Variants in FBXO34 observed in about 807,000 individuals in gnomAD.
FBXO34 encodes F-box only protein 34.
A neutral mutation model predicts 24.5 loss-of-function variants in FBXO34; 12 were observed. That is an observed-to-expected ratio of 0.49 (90% CI 0.31 to 0.79). FBXO34 has a LOEUF of 0.79. Ranked by LOEUF, FBXO34 falls within the 30% of genes least tolerant of loss-of-function variation. The pLI is 0.04. For synonymous variants in FBXO34, 320 were observed against 311.9 expected (o/e 1.03, Z -0.27); for missense variants, 823 against 857.7 (o/e 0.96, Z 0.51).
At chr14:55,361,106 C>G (rs1884588114) in intron 3 of FBXO34, among the ~76,000 whole-genome samples, 1 of 152,168 alleles carries the variant, frequency 6.6e-6, no homozygotes, top group Non-Finnish European at 1.5e-5. Flanking sequence ...TGACTTTGCC[C>G]AGATCCATCA....
chr14:55,299,335 A>G, intron 1 of FBXO34: 2 of 378,362 alleles, frequency 5.3e-6, no homozygotes, highest in Non-Finnish European at 1.0e-5. Context: ...CCAAAGCAGT[A>G]GGGCCGCATT....
the FBXO34 span, among the ~76,000 whole-genome samples, chr14:55,385,535 CGCCTGCCTCG>C: frequency 6.6e-6 from 1 of 152,176 alleles, no homozygotes; most frequent in African/African-American, 2.4e-5. Flanking sequence ...TCAGGTGATT[CGCCTGCCTCG>C]GCCTCCCAAA....
chr14:55,382,107 A>G, the FBXO34 span: 2 of 1,614,052 alleles, frequency 1.2e-6, no homozygotes, highest in East Asian at 4.5e-5. Flanking sequence ...CTGAGAGGTA[A>G]GTTGTCCTCC....
At chr14:55,409,406 C>A in the FBXO34 span, among the ~76,000 whole-genome samples, 2 of 152,154 alleles carry the variant, frequency 1.3e-5, no homozygotes, top group Non-Finnish European at 2.9e-5. Flanking sequence ...GAGTTTATAT[C>A]ACTGGGGTGG....
Position 55,331,560 on chromosome 14 carries a change from T to TACAC in FBXO34, c.-10-18811_-10-18808dup, listed in dbSNP as rs1555338486. Among the ~76,000 whole-genome samples the TACAC allele has an allele frequency of 9.1e-5, 13 of 142,692 alleles. No homozygotes were observed. The East Asian group carries it at 1.0e-3, about 11-fold the overall frequency. The allele number at this position is 142,692 out of a possible 152,430, so 93.6% of individuals were successfully genotyped here. On this transcript the variant is annotated intron_variant, in intron 1 of 1. Coordinates refer to ENST00000313833, the MANE Select transcript of FBXO34 (RefSeq NM_017943.4). Reference sequence around the variant, plus strand: ...TAAATTGAGGCGTGATATATATATATACACACACACACATACCAACATGGT... The same window carrying TACAC: ...TAAATTGAGGCGTGATATATATATATACACACACACACACACATACCAACATGGT...
At chr14:55,380,877 T>A in the FBXO34 span, among the ~76,000 whole-genome samples, 5,839 of 43,078 alleles carry the variant, frequency 0.14, 147 homozygotes, top group Non-Finnish European at 0.16. Context: ...ATATATATAT[T>A]TTTTTTTTTT....
chr14:55,313,447 G>A (rs1289684413), intron 1 of FBXO34, among the ~76,000 whole-genome samples: 2 of 152,124 alleles, frequency 1.3e-5, no homozygotes, highest in Non-Finnish European at 2.9e-5. Flanking sequence ...CTGTTACCCA[G>A]TTCCAAAATT....
At chr14:55,396,322 A>C in the FBXO34 span, among the ~76,000 whole-genome samples, 1 of 152,226 alleles carries the variant, frequency 6.6e-6, no homozygotes, top group Non-Finnish European at 1.5e-5. Context: ...ATAGTTCCCA[A>C]AGAAATGATA....
chr14:55,275,572 T>C (rs1881306901), intron 1 of FBXO34, among the ~76,000 whole-genome samples: 1 of 151,540 alleles, frequency 6.6e-6, no homozygotes, highest in Non-Finnish European at 1.5e-5. Flanking sequence ...CCCAGCACGT[T>C]GGGAGGCTGA....
Position 55,335,942 on chromosome 14 carries a change from C to A in FBXO34, c.-10-14439C>A, listed in dbSNP as rs900438433. Reference sequence around the variant, plus strand: ...ACTGTCATTTTCCCTTCCTACATGACTGAATGTAGGAGGTGACTATTTTTG... The same window carrying A: ...ACTGTCATTTTCCCTTCCTACATGAATGAATGTAGGAGGTGACTATTTTTG... On this transcript the variant is annotated intron_variant, in intron 1 of 1. Coordinates refer to ENST00000313833, the MANE Select transcript of FBXO34 (RefSeq NM_017943.4). Among the ~76,000 whole-genome samples the A allele has an allele frequency of 2.0e-5, 3 of 152,102 alleles. No individual in the cohort carries two copies. The East Asian group carries it at 5.8e-4, about 29-fold the overall frequency.
chr14:55,328,521 C>T (rs549986625), intron 1 of FBXO34, among the ~76,000 whole-genome samples: 2 of 152,346 alleles, frequency 1.3e-5, no homozygotes, highest in South Asian at 4.1e-4. Context: ...GATTCTCATC[C>T]TGCATGGGAT....
At chr14:55,325,228 A>G (rs1268908125) in intron 1 of FBXO34, among the ~76,000 whole-genome samples, 1 of 152,254 alleles carries the variant, frequency 6.6e-6, no homozygotes, top group Non-Finnish European at 1.5e-5. Context: ...GGGCTTGCAC[A>G]GTACTATTTG....
intron 1 of FBXO34, among the ~76,000 whole-genome samples, chr14:55,344,834 G>C (rs1169118254): frequency 6.6e-6 from 1 of 151,940 alleles, no homozygotes; most frequent in Non-Finnish European, 1.5e-5. Context: ...TTCTGTTCCT[G>C]TGTTAGTTTG....
At chr14:55,284,150 C>T (rs747972449) in intron 1 of FBXO34, among the ~76,000 whole-genome samples, 12 of 152,094 alleles carry the variant, frequency 7.9e-5, no homozygotes, top group Non-Finnish European at 1.2e-4. Flanking sequence ...CAAGCATGCA[C>T]CACCATGCCT....
At chr14:55,427,838 C>A in the FBXO34 span, among the ~76,000 whole-genome samples, 23 of 150,970 alleles carry the variant, frequency 1.5e-4, no homozygotes, top group African/African-American at 5.1e-4. Context: ...TATATACACA[C>A]ACACACACAC....
chr14:55,396,084 G>C, the FBXO34 span: 1 of 817,128 alleles, frequency 1.2e-6, no homozygotes, highest in Non-Finnish European at 1.8e-6. Context: ...CTTAGAAATG[G>C]CTAGAAATAT....
chr14:55,299,294 C>T (rs918530673), intron 1 of FBXO34: 25 of 726,066 alleles, frequency 3.4e-5, no homozygotes, highest in Non-Finnish European at 6.1e-5. Flanking sequence ...GGATGTGGTG[C>T]AGGCAGGTTC....
chr14:55,273,448 G>A (rs1006166373), intron 1 of FBXO34, among the ~76,000 whole-genome samples: 1 of 152,110 alleles, frequency 6.6e-6, no homozygotes. Flanking sequence ...AGTTGTTCTG[G>A]TTTTTTCTTC....
chr14:55,439,621 C>CA, the FBXO34 span, among the ~76,000 whole-genome samples: 2 of 138,112 alleles, frequency 1.4e-5, no homozygotes, highest in African/African-American at 2.6e-5. Context: ...CAAACCCCCC[C>CA]CCGTCTCTAC....
Sources: allele counts gnomAD v4.1 joint callset (sites outside exome capture counted in the v4.1 genomes callset), GRCh38; gene constraint gnomAD v4.1.1; transcripts MANE v1.5; gene names NCBI Gene and HGNC (gene_info 2026-07-23, HGNC 2026-07-21).